FER1L5: variants seen among roughly 807,000 people sequenced by gnomAD.
FER1L5 encodes the protein fer-1-like protein 5.
In FER1L5, 187 loss-of-function variants were observed where a neutral mutation model predicts 279.9. The observed-to-expected ratio is 0.67, with a 90% CI of 0.59 to 0.75. The LOEUF (loss-of-function observed/expected upper bound fraction) is 0.75, where lower values mean the gene tolerates loss of function less well. Ranked by LOEUF, FER1L5 falls within the 30% of genes least tolerant of loss-of-function variation. The pLI is 0.00. For synonymous variants in FER1L5, 921 were observed against 989.7 expected, an observed-to-expected ratio of 0.93 and a Z score of 1.30; for missense variants, 2,091 against 2,594.4, an observed-to-expected ratio of 0.81 and a Z score of 4.21.
Position 96,694,369 on chromosome 2 carries a change from G to A in FER1L5, c.3646G>A (p.Glu1216Lys), listed in dbSNP as rs1004047978. ...ELILQTEKLG[E>K]KQLPILSVPW... ...CCCTGCCCTCCCCCAGAAGCTTGGA[G>A]AGAAGCAGCTGCCTATCTTAAGCGT... The change falls in exon 34 of 53, where the codon GAG (glutamate) becomes AAG (lysine). Residue 1216 changes from glutamate (E) to lysine (K), a missense_variant. Physicochemically the swap from Glu to Lys is moderately conservative, Grantham distance 56. Coordinates refer to ENST00000624922, the MANE Select transcript of FER1L5 (RefSeq NM_001293083.2). The surrounding 1 kb of genome is among the most constrained non-coding windows in gnomAD (Gnocchi z 4.6). 21 of 1,549,204 alleles carry A rather than the reference G, an allele frequency of 1.4e-5. No homozygotes were observed. Among genetic ancestry groups the A allele is most frequent in the Non-Finnish European group, 1.7e-5 (20 of 1,145,828 alleles).
intron 19 of FER1L5, among the ~76,000 whole-genome samples, chr2:96,673,660 G>A (rs531762425): frequency 4.0e-5 from 6 of 149,092 alleles, no homozygotes; most frequent in East Asian, 2.1e-4. Flanking sequence ...CCCTCCAGCC[G>A]TTCATTCACT....
intron 9 of FER1L5, among the ~76,000 whole-genome samples, chr2:96,655,590 T>C (rs910972319): frequency 4.6e-5 from 7 of 152,124 alleles, no homozygotes. Flanking sequence ...ATTCTAGAAA[T>C]GTTAGATGGT....
At chr2:96,685,871 C>T in intron 21 of FER1L5, 69 bp from the exon 22 acceptor site, 1 of 1,456,204 alleles carries the variant, frequency 6.9e-7, no homozygotes, top group Non-Finnish European at 9.1e-7. Context: ...TGGCCTAAGG[C>T]AGGGCAGGAA....
chr2:96,697,814 C>T, intron 39 of FER1L5, 53 bp downstream of exon 39: 1 of 1,581,078 alleles, frequency 6.3e-7, no homozygotes, highest in Non-Finnish European at 8.7e-7. Flanking sequence ...TGGAGGAGGC[C>T]AGCAGAGCTA....
intron 6 of FER1L5, among the ~76,000 whole-genome samples, chr2:96,651,141 T>G (rs923290543): frequency 6.6e-6 from 1 of 152,230 alleles, no homozygotes; most frequent in Non-Finnish European, 1.5e-5. Context: ...CCTTGATAAC[T>G]CAAGCCTGTG....
At chr2:96,655,897 C>T (rs192840220) in intron 9 of FER1L5, among the ~76,000 whole-genome samples, 15 of 151,854 alleles carry the variant, frequency 9.9e-5, no homozygotes, top group African/African-American at 3.1e-4. Flanking sequence ...TTTTTTGTAG[C>T]GAATGGGTCT....
chr2:96,652,457 G>A (rs528357369), intron 7 of FER1L5: 1 of 175,176 alleles, frequency 5.7e-6, no homozygotes, highest in East Asian at 1.4e-4. Flanking sequence ...GTGGAAGCTG[G>A]AAGGAGTAAG....
At chr2:96,646,496 A>G in intron 2 of FER1L5, 43 bp downstream of exon 2, 1 of 1,539,800 alleles carries the variant, frequency 6.5e-7, no homozygotes, top group Non-Finnish European at 8.8e-7. Context: ...AACAACCCCA[A>G]CAGCAAGGGG....
Position 96,687,816 on chromosome 2 carries a change from TACCCAGAGGGTGAAGGACAGAAGG to T in FER1L5, c.2232_2255del (p.Pro745_Asp752del). 1.3e-6 allele frequency: 2 copies of T among 1,551,084 alleles called. No homozygotes were observed. Among genetic ancestry groups the T allele is most frequent in the Non-Finnish European group, 1.7e-6 (2 of 1,146,958 alleles). ...TGGGACCGATCGGCCTCTGGCTCAG[TACCCAGAGGGTGAAGGACAGAAGG>T]ATGTGCTCCCAGCTCACCTCCGGGT... is the stretch of plus-strand genomic sequence containing the variant. On this transcript the variant is annotated inframe_deletion and splice_region_variant, in exon 24 of 53. Transcript: ENST00000624922.
In FER1L5 at chr2:96,684,388, C is replaced by G. The variant is rs1430432916; in HGVS notation, c.1731C>G (p.Asn577Lys). The change falls in exon 20 of 53, where the codon AAC (asparagine) becomes AAG (lysine). Residue 577 changes from asparagine to lysine, a missense_variant. By Grantham distance (94) the Asn-to-Lys change is moderately conservative (BLOSUM62 0). Coordinates refer to ENST00000624922, the MANE Select transcript of FER1L5 (RefSeq NM_001293083.2). ...AGCCTGTCGTGGCCGTGACCTCCAA[C>G]TGGGAGGACGTCAGCTTCCGCATGA... The part of the protein sequence containing the change: ...NTKPVVAVTS[N>K]WEDVSFRMNC... 6.4e-7 allele frequency: 1 copy of G among 1,551,690 alleles called. No homozygotes were observed. The highest frequency in any genetic ancestry group is 2.0e-5 in the Admixed American group (1 of 51,002).
intron 13 of FER1L5, among the ~76,000 whole-genome samples, chr2:96,663,025 C>T (rs2076007827): frequency 6.6e-6 from 1 of 152,158 alleles, no homozygotes; most frequent in African/African-American, 2.4e-5. Context: ...CCACAGATAC[C>T]ACTGCTTACA....
chr2:96,656,745 C>T (rs924704911), intron 9 of FER1L5, among the ~76,000 whole-genome samples: 11 of 151,200 alleles, frequency 7.3e-5, no homozygotes, highest in African/African-American at 2.7e-4. Context: ...TCCCCCACTT[C>T]CTCTTTTTTT....
chr2:96,647,647 C>A, intron 3 of FER1L5, 131 bp from the exon 4 acceptor site: 1 of 668,644 alleles, frequency 1.5e-6, no homozygotes, highest in East Asian at 2.7e-5. Context: ...CCACTGCATT[C>A]TTCTCCAGCC....
At chr2:96,695,486 G>T in intron 34 of FER1L5, 23 bp from the exon 35 acceptor site, 1 of 1,563,216 alleles carries the variant, frequency 6.4e-7, no homozygotes, top group East Asian at 2.3e-5. Flanking sequence ...CCCTTGTCCT[G>T]CCCTCCTTCT....
In FER1L5 at chr2:96,692,000, A is replaced by C; in HGVS notation, c.3214+37A>C. On this transcript the variant is annotated intron_variant, in intron 30 of 52. Coordinates refer to ENST00000624922, the MANE Select transcript of FER1L5 (RefSeq NM_001293083.2). This position sits in a 1 kb window ranked among gnomAD's most constrained non-coding sequence, Gnocchi z 6.0. ...CTTGGGAGTCTACTTGAATGGCCCC[A>C]GAGGCCAGTACCCGAGGGCGGGGGG... 1 of 522,432 alleles carries C rather than the reference A, an allele frequency of 1.9e-6. No homozygotes were observed. Among genetic ancestry groups the C allele is most frequent in the East Asian group, 7.0e-5 (1 of 14,226 alleles). The allele number at this position is 522,432 out of a possible 1,614,324, so 32.4% of individuals were successfully genotyped here.
At chr2:96,673,350 T>C (rs2076397293) in intron 19 of FER1L5, 96 bp downstream of exon 19, 4 of 1,273,914 alleles carry the variant, frequency 3.1e-6, no homozygotes, top group East Asian at 5.1e-5. Context: ...GGAAGATTCA[T>C]AGGCATTATT....
chr2:96,673,052 G>A (rs2076386408), intron 18 of FER1L5, 25 bp from the exon 19 acceptor site: 2 of 1,548,778 alleles, frequency 1.3e-6, no homozygotes, highest in Admixed American at 2.0e-5. Context: ...CTGGGTATGG[G>A]GGGTGGGGGC....
intron 19 of FER1L5, among the ~76,000 whole-genome samples, chr2:96,674,831 A>T (rs1275475695): frequency 6.6e-6 from 1 of 152,016 alleles, no homozygotes; most frequent in Non-Finnish European, 1.5e-5. Context: ...AAAAAAAAAT[A>T]ATAAAATGAG....
At chr2:96,652,568 A>C (rs905227030) in intron 7 of FER1L5, 5 of 158,776 alleles carry the variant, frequency 3.1e-5, no homozygotes, top group African/African-American at 1.2e-4. Context: ...GGAAAAGATA[A>C]TTCAGGAAAA....
Sources: allele counts gnomAD v4.1 joint callset (sites outside exome capture counted in the v4.1 genomes callset), GRCh38; gene constraint gnomAD v4.1.1; non-coding constraint Gnocchi (gnomAD v3.1); transcripts MANE v1.5; gene names NCBI Gene and HGNC (gene_info 2026-07-23, HGNC 2026-07-21).